PPP2R3B: variants seen among roughly 807,000 people sequenced by gnomAD.
PPP2R3B encodes the protein serine/threonine-protein phosphatase 2A regulatory subunit B'' subunit beta.
Under a neutral mutation model 72.9 loss-of-function variants are expected in PPP2R3B, and 68 were observed. That is an observed-to-expected ratio of 0.93 (90% CI 0.77 to 1.14). The LOEUF (loss-of-function observed/expected upper bound fraction) is 1.14, where lower values mean the gene tolerates loss of function less well. Among genes scored for constraint, PPP2R3B ranks in the 50% most tolerant of loss-of-function variants. PPP2R3B has a pLI of 0.00. For synonymous variants in PPP2R3B, 466 were observed against 375.8 expected (o/e 1.24, Z -2.78); for missense variants, 1,018 against 842.0 (o/e 1.21, Z -2.59).
intron 1 of PPP2R3B, among the ~76,000 whole-genome samples, chrX:372,104 C>G (rs1470125940): frequency 6.6e-6 from 1 of 152,176 alleles, no homozygotes; most frequent in African/African-American, 2.4e-5. Context: ...ACCTCATTGA[C>G]TCTGCGACCA....
intron 2 of PPP2R3B, among the ~76,000 whole-genome samples, chrX:356,618 T>C (rs764409349): frequency 6.6e-6 from 1 of 152,316 alleles, no homozygotes; most frequent in African/African-American, 2.4e-5. Context: ...AATGCAAGCA[T>C]GTCTGCGTAA....
chrX:368,904 C>T (rs1264075569), intron 1 of PPP2R3B, among the ~76,000 whole-genome samples: 3 of 151,898 alleles, frequency 2.0e-5, no homozygotes, highest in Non-Finnish European at 4.4e-5. Flanking sequence ...GGGGGAAAGC[C>T]GGGACCACCC....
rs368319306 is a variant in PPP2R3B, at chrX:341,312, C to G, written c.1170G>C (p.Pro390=). ...ATGCCGCAGCAGGAACCCACCTGGT[C>G]GGTGTTTTTTTGTCTTCCTCAGAGA... ...FLISEEDKKT[P]TSIEYWFRCM... Residue 390 remains proline, a synonymous_variant, in exon 9 of 13, where the codon CCG becomes CCC. Coordinates refer to ENST00000390665, the MANE Select transcript of PPP2R3B (RefSeq NM_013239.5). 3.3e-5 allele frequency: 53 copies of G among 1,612,374 alleles called. No homozygotes were observed. Among genetic ancestry groups the G allele is most frequent in the East Asian group, 6.7e-5 (3 of 44,864 alleles).
intron 7 of PPP2R3B, chrX:344,763 C>T (rs1475956318): frequency 3.1e-5 from 8 of 256,264 alleles, no homozygotes; most frequent in East Asian, 3.1e-4. Flanking sequence ...TGCTCAGGTG[C>T]GCGTCCGACG....
At chrX:367,523 A>G (rs1164608553) in intron 1 of PPP2R3B, among the ~76,000 whole-genome samples, 1 of 152,012 alleles carries the variant, frequency 6.6e-6, no homozygotes, top group African/African-American at 2.4e-5. Flanking sequence ...TCAGCCTCCC[A>G]AGGCGCTGGG....
intron 2 of PPP2R3B, among the ~76,000 whole-genome samples, chrX:359,021 G>A (rs1424821452): frequency 2.6e-5 from 4 of 152,216 alleles, no homozygotes; most frequent in African/African-American, 7.2e-5. Flanking sequence ...AAGCACTGAG[G>A]GGAATACATG....
intron 1 of PPP2R3B, among the ~76,000 whole-genome samples, chrX:364,651 G>A (rs1249278908): frequency 1.5e-5 from 2 of 137,808 alleles, no homozygotes; most frequent in East Asian, 4.7e-4. Flanking sequence ...ACAGGAGGCG[G>A]AGGTTGCAGT....
chrX:346,402 GGGCCCTGCGGGAGGCGCCGCCCCA>G, intron 5 of PPP2R3B, 142 bp from the exon 6 acceptor site: 1 of 801,896 alleles, frequency 1.2e-6, no homozygotes, highest in Admixed American at 2.8e-5. Flanking sequence ...GCAGAGGGAA[GGGCCCTGCGGGAGGCGCCGCCCCA>G]GGCCGCGGAA....
At chrX:374,147 A>T (rs2071937638) in intron 1 of PPP2R3B, 2 of 151,250 alleles carry the variant, frequency 1.3e-5, no homozygotes, top group Non-Finnish European at 3.0e-5. Flanking sequence ...CGGAACGCGC[A>T]TCAACAGGTC....
At chrX:364,731 C>T (rs1166355664) in intron 1 of PPP2R3B, among the ~76,000 whole-genome samples, 5 of 44,088 alleles carry the variant, frequency 1.1e-4, no homozygotes, top group African/African-American at 6.0e-4. Flanking sequence ...ACAAAACAAA[C>T]GATTAACCAG....
intron 2 of PPP2R3B, among the ~76,000 whole-genome samples, chrX:348,113 C>T (rs1189363562): frequency 6.6e-6 from 1 of 152,116 alleles, no homozygotes; most frequent in Non-Finnish European, 1.5e-5. Flanking sequence ...CGACCCATGG[C>T]AGGTTCACAG....
intron 10 of PPP2R3B, among the ~76,000 whole-genome samples, chrX:340,490 T>TTG (rs2071032320): frequency 1.1e-4 from 2 of 18,430 alleles, no homozygotes; most frequent in Admixed American, 4.5e-4. Context: ...CCGTCCCCCC[T>TTG]CCCGTCCGTC....
chrX:367,429 C>CTTTTT (rs113231924), intron 1 of PPP2R3B, among the ~76,000 whole-genome samples: 2 of 149,058 alleles, frequency 1.3e-5, no homozygotes, highest in Non-Finnish European at 3.0e-5. Flanking sequence ...GTCGACGTTC[C>CTTTTT]TTTTTTTTTT....
chrX:380,623 T>A (rs2072102005), intron 1 of PPP2R3B, among the ~76,000 whole-genome samples: 1 of 151,610 alleles, frequency 6.6e-6, no homozygotes, highest in Admixed American at 6.6e-5. Flanking sequence ...CCATCTCTAC[T>A]AAAAATACAA....
intron 2 of PPP2R3B, among the ~76,000 whole-genome samples, chrX:360,050 C>A: frequency 6.6e-6 from 1 of 152,242 alleles, no homozygotes; most frequent in South Asian, 2.1e-4. Context: ...AAAACCAAAA[C>A]CAGACAAAGG....
Position 386,758 on chromosome X carries a change from G to T in PPP2R3B, c.-67C>A. 1 of 1,045,678 alleles carries T rather than the reference G, an allele frequency of 9.6e-7. No individual in the cohort carries two copies. The highest frequency in any genetic ancestry group is 1.2e-6 in the Non-Finnish European group (1 of 836,070). 64.8% of individuals were successfully genotyped at this position (1,045,678 alleles called of 1,614,324 possible). A position where few individuals can be genotyped will look rare whatever the true frequency, so the allele number is the denominator to read the frequency against. On this transcript the variant is annotated 5_prime_UTR_variant, in exon 1 of 13. Transcript: ENST00000390665. ...CGCCCCGCCCCGGGGGCTTCGGTCC[G>T]CCCCGGACCGACCTCGGTGATGCGA...
In PPP2R3B at chrX:343,913, G is replaced by C. The variant is rs183389139; in HGVS notation, c.1036+1603C>G. ...CGGGAGGGAGACCTCACCAAGGAGA[G>C]GCGGGAGGGAGACCTCAGCAACGGG... On this transcript the variant is annotated intron_variant, in intron 7 of 12. Transcript: ENST00000390665. 6.2e-4 allele frequency among the ~76,000 whole-genome samples: 16 copies of C among 25,658 alleles called. 1 individual carries two copies. The highest frequency in any genetic ancestry group is 9.0e-4 in the African/African-American group (5 of 5,578). 16.8% of individuals were successfully genotyped at this position (25,658 alleles called of 152,430 possible).
At position 344,757 on chromosome X, in the gene PPP2R3B, C is replaced by G. The variant is rs143761516; in HGVS notation, c.1036+759G>C. On this transcript the variant is annotated intron_variant, in intron 7 of 12. Coordinates refer to ENST00000390665, the MANE Select transcript of PPP2R3B (RefSeq NM_013239.5). ...AAATCCAGGGAATGCTACGTCTGCTCAGGTGCGCGTCCGACGCAGGGATCT... is the reference window on the plus strand; with the variant it reads ...AAATCCAGGGAATGCTACGTCTGCTGAGGTGCGCGTCCGACGCAGGGATCT... 2.0e-3 allele frequency: 509 copies of G among 254,238 alleles called. 3 individuals are homozygous for G. Among genetic ancestry groups the G allele is most frequent in the Middle Eastern group, 0.011 (7 of 646 alleles). 15.7% of individuals were successfully genotyped at this position (254,238 alleles called of 1,614,324 possible). A position where few individuals can be genotyped will look rare whatever the true frequency, so the allele number is the denominator to read the frequency against.
chrX:347,801 A>G, intron 2 of PPP2R3B, 108 bp from the exon 3 acceptor site: 1 of 785,712 alleles, frequency 1.3e-6, no homozygotes, highest in Admixed American at 3.1e-5. Context: ...CTGCTGCAGA[A>G]AGACACAGCA....
Sources: gnomAD v4.1 joint callset for allele counts (sites outside exome capture counted in the v4.1 genomes callset) on GRCh38, gnomAD v4.1.1 for gene constraint, MANE v1.5 for transcripts, NCBI Gene and HGNC (gene_info 2026-07-23, HGNC 2026-07-21) for gene names.